Variants in HAS3 observed in about 807,000 individuals in gnomAD.
HAS3 encodes the protein HA synthase 3.
A neutral mutation model predicts 50.3 loss-of-function variants in HAS3; 27 were observed. That is an observed-to-expected ratio of 0.54 (90% confidence interval 0.40 to 0.74). The LOEUF is 0.74. Ranked by LOEUF, HAS3 falls within the 30% of genes least tolerant of loss-of-function variation. The pLI, the probability that HAS3 is intolerant of heterozygous loss-of-function variation, is 0.00. For synonymous variants in HAS3, 339 were observed against 310.9 expected (o/e 1.09, Z -0.95); for missense variants, 517 against 742.8 (o/e 0.70, Z 3.53).
upstream of HAS3, among the ~76,000 whole-genome samples, chr16:69,102,967 G>A (rs1449589889): frequency 6.6e-6 from 1 of 151,652 alleles, no homozygotes; most frequent in East Asian, 1.9e-4. Context: ...GGCTGGATAT[G>A]ACTCAGACAC....
the HAS3 span, among the ~76,000 whole-genome samples, chr16:69,092,933 G>A: frequency 1.3e-5 from 2 of 152,190 alleles, no homozygotes; most frequent in Admixed American, 6.5e-5. Context: ...TGAAAGCTCC[G>A]CAGCCCACCT....
the HAS3 span, among the ~76,000 whole-genome samples, chr16:69,090,246 G>A: frequency 4.6e-5 from 7 of 152,062 alleles, no homozygotes; most frequent in Non-Finnish European, 8.8e-5. Flanking sequence ...CATGGTCGGC[G>A]CTGCCTACCA....
In HAS3 at chr16:69,106,785, C is replaced by T. The variant is rs3759981; in HGVS notation, c.-1+998C>T. The T allele has an allele frequency of 0.073, 11,091 of 152,144 alleles. 548 individuals are homozygous for T. Among genetic ancestry groups the T allele is most frequent in the African/African-American group, 0.13 (5,383 of 41,522 alleles). 9.4% of individuals were successfully genotyped at this position (152,144 alleles called of 1,614,324 possible). ...CACGTGTCCGGGGGAGTGGGCTCCC[C>T]TCCCCTGGCCGGCCTGGAGGGGCCC... is the stretch of plus-strand genomic sequence containing the variant. On this transcript the variant is annotated intron_variant, in intron 1 of 3. Coordinates refer to ENST00000569188, the MANE Select transcript of HAS3 (RefSeq NM_001199280.2). The surrounding 1 kb of genome is among the most constrained non-coding windows in gnomAD (Gnocchi z 5.5).
chr16:69,105,872 GA>G (rs1426386319), intron 1 of HAS3, 85 bp downstream of exon 1: 1 of 152,310 alleles, frequency 6.6e-6, no homozygotes, highest in Non-Finnish European at 1.5e-5. Flanking sequence ...GTGGTATCTG[GA>G]AAGTTAACGA....
At chr16:69,088,255 A>G in the HAS3 span, among the ~76,000 whole-genome samples, 2 of 152,132 alleles carry the variant, frequency 1.3e-5, no homozygotes, top group East Asian at 1.9e-4. Context: ...CAGATAACAA[A>G]TAAGATAAAC....
chr16:69,113,335 G>A (rs1422664359), intron 2 of HAS3, 106 bp from the exon 3 acceptor site: 2 of 780,746 alleles, frequency 2.6e-6, no homozygotes, highest in African/African-American at 3.4e-5. Flanking sequence ...TGAGTCATGT[G>A]TGAAGGGGTC....
chr16:69,100,607 G>A, the HAS3 span, among the ~76,000 whole-genome samples: 1 of 152,170 alleles, frequency 6.6e-6, no homozygotes, highest in East Asian at 1.9e-4. Flanking sequence ...CGCCTCCCCT[G>A]CTCAAGCCAC....
chr16:69,108,616 G>C (rs1325025037), intron 1 of HAS3, among the ~76,000 whole-genome samples: 1 of 152,180 alleles, frequency 6.6e-6, no homozygotes, highest in Non-Finnish European at 1.5e-5. Flanking sequence ...TGTGGAGGCT[G>C]CTGCAGTGGT....
Position 69,107,728 on chromosome 16 carries a change from G to A in HAS3, c.1-1668G>A. The A allele has an allele frequency of 1.0e-6, 1 of 984,002 alleles. No homozygotes were observed. The highest frequency in any genetic ancestry group is 1.2e-6 in the Non-Finnish European group (1 of 828,566). The allele number at this position is 984,002 out of a possible 1,614,324, so 61.0% of individuals were successfully genotyped here. A position where few individuals can be genotyped will look rare whatever the true frequency, so the allele number is the denominator to read the frequency against. On this transcript the variant is annotated intron_variant, in intron 1 of 3. Coordinates refer to ENST00000569188, the MANE Select transcript of HAS3 (RefSeq NM_001199280.2). The surrounding 1 kb of genome is among the most constrained non-coding windows in gnomAD (Gnocchi z 5.5). ...CCGGAGGGGAATGGGGGCGCTCCTA[G>A]GCTGCGGATGCAGGCCTGGGGACTC...
the HAS3 span, among the ~76,000 whole-genome samples, chr16:69,090,866 C>T: frequency 6.6e-6 from 1 of 152,274 alleles, no homozygotes; most frequent in Admixed American, 6.5e-5. Context: ...AACCACTGTG[C>T]CCAGCACGAT....
chr16:69,098,662 A>ATT, the HAS3 span, among the ~76,000 whole-genome samples: 1,633 of 97,848 alleles, frequency 0.017, 85 homozygotes, highest in South Asian at 0.026. Context: ...ATCAAACCTG[A>ATT]TTTTTTTTTT....
At chr16:69,083,515 C>T in the HAS3 span, 1 of 1,612,446 alleles carries the variant, frequency 6.2e-7, no homozygotes, top group Non-Finnish European at 8.5e-7. Flanking sequence ...GGATCTCTAC[C>T]ACCTGCTGAA....
Position 69,114,754 on chromosome 16 carries a change from G to C in HAS3, c.1150G>C (p.Val384Leu). Residue 384 changes from valine (V) to leucine (L), a missense_variant, in exon 4 of 4, where the codon GTG becomes CTG. Val to Leu is a conservative substitution (Grantham distance 32). Coordinates refer to ENST00000569188, the MANE Select transcript of HAS3 (RefSeq NM_001199280.2). The surrounding 1 kb of genome is among the most constrained non-coding windows in gnomAD (Gnocchi z 6.4). ...KHHLWMTYESVVTGFFPFFLI... is the reference protein window; with the variant it reads ...KHHLWMTYESLVTGFFPFFLI... ...CCACCTCTGGATGACCTACGAGTCA[G>C]TGGTCACGGGTTTCTTCCCCTTCTT... 1 of 1,614,148 alleles carries C rather than the reference G, an allele frequency of 6.2e-7. No individual in the cohort carries two copies. Among genetic ancestry groups the C allele is most frequent in the Non-Finnish European group, 8.5e-7 (1 of 1,180,028 alleles).
At position 69,116,175 on chromosome 16, in the gene HAS3, A is replaced by C. The variant is rs1961172126; in HGVS notation, c.*909A>C. The C allele has an allele frequency of 1.0e-6, 1 of 985,398 alleles. No homozygotes were observed. Among genetic ancestry groups the C allele is most frequent in the African/African-American group, 1.7e-5 (1 of 57,382 alleles). 61.0% of individuals were successfully genotyped at this position (985,398 alleles called of 1,614,324 possible). On this transcript the variant is annotated 3_prime_UTR_variant, in exon 4 of 4. Coordinates refer to ENST00000569188, the MANE Select transcript of HAS3 (RefSeq NM_001199280.2). ...TCAAATTCAGCTCTGATCTGAGGCT[A>C]AGACACACTCCCCACTTCACTTTCT...
chr16:69,102,730 C>T (rs1390022749), upstream of HAS3, among the ~76,000 whole-genome samples: 2 of 152,184 alleles, frequency 1.3e-5, no homozygotes, highest in Admixed American at 1.3e-4. Context: ...AGCCCCACCA[C>T]CTGGAAAACT....
chr16:69,104,991 G>GTT (rs1567576944), upstream of HAS3, among the ~76,000 whole-genome samples: 21 of 89,832 alleles, frequency 2.3e-4, no homozygotes, highest in Non-Finnish European at 3.0e-4. Flanking sequence ...TCTGTTTTTT[G>GTT]GTTTTTTTTT....
In HAS3 at chr16:69,109,333, G is replaced by T. The variant is rs750769388; in HGVS notation, c.1-63G>T. The T allele has an allele frequency of 8.6e-6, 13 of 1,508,164 alleles. No individual in the cohort carries two copies. The highest frequency in any genetic ancestry group is 1.2e-5 in the Non-Finnish European group (13 of 1,118,418). The allele number at this position is 1,508,164 out of a possible 1,614,324, so 93.4% of individuals were successfully genotyped here. On this transcript the variant is annotated intron_variant, in intron 1 of 3. Coordinates refer to ENST00000569188, the MANE Select transcript of HAS3 (RefSeq NM_001199280.2). This position sits in a 1 kb window ranked among gnomAD's most constrained non-coding sequence, Gnocchi z 5.3. ...TCCACTAGTAACAGAGAACACCCAT[G>T]CTCCCACGGACTGGAAATGCTGCCT... is the stretch of plus-strand genomic sequence containing the variant.
the HAS3 span, among the ~76,000 whole-genome samples, chr16:69,091,479 A>C: frequency 1.3e-5 from 2 of 152,212 alleles, no homozygotes; most frequent in Non-Finnish European, 2.9e-5. Flanking sequence ...AAATGTTAGT[A>C]CCAAATGTCC....
chr16:69,104,991 G>GTTTTTTTTT (rs1567576944), upstream of HAS3, among the ~76,000 whole-genome samples: 5 of 89,858 alleles, frequency 5.6e-5, no homozygotes, highest in Non-Finnish European at 1.1e-4. Flanking sequence ...TCTGTTTTTT[G>GTTTTTTTTT]GTTTTTTTTT....
Sources: allele counts gnomAD v4.1 joint callset (sites outside exome capture counted in the v4.1 genomes callset), GRCh38; gene constraint gnomAD v4.1.1; non-coding constraint Gnocchi (gnomAD v3.1); transcripts MANE v1.5; gene names NCBI Gene and HGNC (gene_info 2026-07-23, HGNC 2026-07-21).